The following CFAP54 variants were observed in gnomAD, a reference collection of about 807,000 sequenced individuals.
CFAP54 encodes cilia and flagella associated protein 54.
A neutral mutation model predicts 370.4 loss-of-function variants in CFAP54; 290 were observed. The ratio of observed to expected loss-of-function variants is 0.78; its 90% CI spans 0.71 to 0.86. The LOEUF (loss-of-function observed/expected upper bound fraction) is 0.86, where lower values mean the gene tolerates loss of function less well. Among genes scored for constraint, CFAP54 ranks in the 40% least tolerant of loss-of-function variants. The probability of loss-of-function intolerance (pLI) is 0.00; values close to 1 mark genes in which losing one functional copy is unlikely to be tolerated. For missense variants in CFAP54, 3,399 were observed against 3,528.7 expected (o/e 0.96, Z 0.93); for synonymous variants, 1,206 against 1,236.5 (o/e 0.98, Z 0.52).
chr12:96,559,294 T>C (rs1955790742), intron 17 of CFAP54, among the ~76,000 whole-genome samples: 1 of 152,132 alleles, frequency 6.6e-6, no homozygotes, highest in East Asian at 1.9e-4. Flanking sequence ...GATAAATGCT[T>C]GAGGGGATGG....
At chr12:96,721,652 A>G (rs1174435792) in intron 50 of CFAP54, among the ~76,000 whole-genome samples, 1 of 152,216 alleles carries the variant, frequency 6.6e-6, no homozygotes, top group Non-Finnish European at 1.5e-5. Flanking sequence ...TACATTTCTT[A>G]TCATTCATTA....
intron 63 of CFAP54, among the ~76,000 whole-genome samples, chr12:96,801,637 G>C (rs538642204): frequency 6.6e-6 from 1 of 152,248 alleles, no homozygotes; most frequent in South Asian, 2.1e-4. Context: ...TCATCTTCCT[G>C]CTCTTTTTAG....
chr12:96,813,907 G>T (rs1958950936), intron 64 of CFAP54, among the ~76,000 whole-genome samples: 1 of 152,224 alleles, frequency 6.6e-6, no homozygotes, highest in Admixed American at 6.5e-5. Context: ...GGACAGGGAA[G>T]TGAGGGGCAA....
chr12:96,572,778 T>G, intron 19 of CFAP54: 1 of 753,762 alleles, frequency 1.3e-6, no homozygotes, highest in Non-Finnish European at 1.6e-6. Flanking sequence ...AGATTTCTAT[T>G]TTGGGGTAGA....
intron 4 of CFAP54, among the ~76,000 whole-genome samples, chr12:96,511,170 A>G (rs927340742): frequency 1.3e-5 from 2 of 152,062 alleles, no homozygotes; most frequent in African/African-American, 4.8e-5. Flanking sequence ...TGCATTCTCT[A>G]TGAAATTTAG....
intron 48 of CFAP54, among the ~76,000 whole-genome samples, chr12:96,711,414 C>A (rs1205482973): frequency 6.6e-6 from 1 of 152,066 alleles, no homozygotes; most frequent in Non-Finnish European, 1.5e-5. Context: ...TTGTTCACTA[C>A]ACTTATGAGT....
rs145650354 is a variant in CFAP54, at chr12:96,671,390, GT to G, written c.5563+7466del. Reference sequence around the variant, plus strand: ...ATCTATTATATGGTATAATTTAGGGGTTTTTTTTGTGTGTTTATTGATAACT... The same window carrying G: ...ATCTATTATATGGTATAATTTAGGGGTTTTTTTGTGTGTTTATTGATAACT... On this transcript the variant is annotated intron_variant, in intron 39 of 67. Transcript: ENST00000524981. Among the ~76,000 whole-genome samples, 791 of 151,924 alleles carry G rather than the reference GT, an allele frequency of 5.2e-3. 5 individuals carry two copies. The highest frequency in any genetic ancestry group is 0.018 in the African/African-American group (729 of 41,442).
intron 67 of CFAP54, among the ~76,000 whole-genome samples, chr12:96,863,125 C>A (rs1959917016): frequency 6.6e-6 from 1 of 151,392 alleles, no homozygotes; most frequent in African/African-American, 2.4e-5. Flanking sequence ...AACCCTAGAA[C>A]AATACCTGGC....
intron 26 of CFAP54, 61 bp from the exon 27 acceptor site, chr12:96,621,529 A>G (rs1956488538): frequency 7.6e-6 from 9 of 1,178,422 alleles, no homozygotes; most frequent in Admixed American, 5.5e-5. Context: ...AAAATGATGC[A>G]TTATACTTGA....
Position 96,534,225 on chromosome 12 carries a change from ATGG to A in CFAP54, c.1705_1705+2del. ...ATTTATTTAAAAAAAATTGCTGTTC[ATGG>A]TAAGTATTTATTTGTTTGTTCAAAA... is the stretch of plus-strand genomic sequence containing the variant. On this transcript the variant is annotated splice_donor_variant and coding_sequence_variant, in exon 11 of 68. Coordinates refer to ENST00000524981, the MANE Select transcript of CFAP54 (RefSeq NM_001306084.2). LOFTEE classifies it high-confidence loss of function. 2.8e-6 allele frequency: 4 copies of A among 1,407,456 alleles called. No individual in the cohort carries two copies. The highest frequency in any genetic ancestry group is 3.8e-6 in the Non-Finnish European group (4 of 1,045,594). The allele number at this position is 1,407,456 out of a possible 1,614,324, so 87.2% of individuals were successfully genotyped here. A position where few individuals can be genotyped will look rare whatever the true frequency, so the allele number is the denominator to read the frequency against.
chr12:96,774,745 G>T (rs1958498745), intron 60 of CFAP54, among the ~76,000 whole-genome samples: 1 of 151,992 alleles, frequency 6.6e-6, no homozygotes, highest in East Asian at 1.9e-4. Context: ...AATATTATAT[G>T]CCCTTTATAT....
chr12:96,765,151 G>T lies in CFAP54; in HGVS notation c.8214G>T (p.Val2738=). 1 of 1,543,304 alleles carries T rather than the reference G, an allele frequency of 6.5e-7. No homozygotes were observed. Among genetic ancestry groups the T allele is most frequent in the Non-Finnish European group, 8.8e-7 (1 of 1,132,034 alleles). The change falls in exon 60 of 68, where the codon GTG becomes GTT. Residue 2738 remains valine (V), a synonymous_variant. Coordinates refer to ENST00000524981, the MANE Select transcript of CFAP54 (RefSeq NM_001306084.2). ...CTAGAATGCATAAAGTTAACCAAGT[G>T]GCATTACCAAATATCCCAGAATTTG... is the stretch of plus-strand genomic sequence containing the variant. The part of the protein sequence containing the change: ...KNTRMHKVNQ[V]ALPNIPEFAA...
At chr12:96,832,791 A>G (rs1316890271) in intron 66 of CFAP54, among the ~76,000 whole-genome samples, 1 of 152,314 alleles carries the variant, frequency 6.6e-6, no homozygotes, top group East Asian at 1.9e-4. Context: ...TTAGGTCTAT[A>G]TTGCAGGATC....
intron 32 of CFAP54, among the ~76,000 whole-genome samples, chr12:96,642,746 T>G (rs1455176196): frequency 6.6e-6 from 1 of 152,214 alleles, no homozygotes; most frequent in African/African-American, 2.4e-5. Flanking sequence ...TGGCTTCACA[T>G]CACTGAGGAT....
chr12:96,631,411 A>C (rs542286107), intron 32 of CFAP54, among the ~76,000 whole-genome samples: 14 of 151,978 alleles, frequency 9.2e-5, no homozygotes, highest in African/African-American at 3.4e-4. Context: ...GTGAATTCAT[A>C]TGTCAACCAC....
chr12:96,564,093 G>T (rs569078207), intron 17 of CFAP54, among the ~76,000 whole-genome samples: 62 of 152,322 alleles, frequency 4.1e-4, no homozygotes, highest in Non-Finnish European at 7.6e-4. Flanking sequence ...TCTAGAAGGG[G>T]TGTTGAGGAC....
intron 36 of CFAP54, among the ~76,000 whole-genome samples, chr12:96,657,228 C>G (rs2136512126): frequency 6.6e-6 from 1 of 152,266 alleles, no homozygotes; most frequent in Non-Finnish European, 1.5e-5. Flanking sequence ...GAGGTATACA[C>G]AAATGTGTCA....
chr12:96,658,287 A>G lies in CFAP54; in HGVS notation c.5401A>G (p.Lys1801Glu). 4 of 1,614,130 alleles carry G rather than the reference A, an allele frequency of 2.5e-6. No individual in the cohort carries two copies. The highest frequency in any genetic ancestry group is 3.4e-6 in the Non-Finnish European group (4 of 1,179,976). The change falls in exon 38 of 68, where the codon AAG becomes GAG. Residue 1801 changes from lysine (K) to glutamate (E), a missense_variant. Lys to Glu is a moderately conservative substitution (Grantham distance 56). Coordinates refer to ENST00000524981, the MANE Select transcript of CFAP54 (RefSeq NM_001306084.2). ...RQLLLRIQKF[K>E]GPDITQQPCA... ...GCTTCTGCTGAGAATACAGAAGTTCAAGGGCCCAGATATTACCCAACAACC... is the reference window on the plus strand; with the variant it reads ...GCTTCTGCTGAGAATACAGAAGTTCGAGGGCCCAGATATTACCCAACAACC...
intron 3 of CFAP54, among the ~76,000 whole-genome samples, chr12:96,506,542 T>C (rs1955102708): frequency 6.6e-6 from 1 of 151,704 alleles, no homozygotes; most frequent in Non-Finnish European, 1.5e-5. Context: ...GAGAAATGCT[T>C]TCCTAAGTTA....
Sources: allele counts gnomAD v4.1 joint callset (sites outside exome capture counted in the v4.1 genomes callset), GRCh38; gene constraint gnomAD v4.1.1; transcripts MANE v1.5; gene names NCBI Gene and HGNC (gene_info 2026-07-23, HGNC 2026-07-21).